Variants in FUT8 observed in about 807,000 individuals in gnomAD.
FUT8 encodes the protein fucosyltransferase 8, also known as alpha-(1,6)-fucosyltransferase.
FUT8 carries 29 observed loss-of-function variants against 71.3 expected under a neutral mutation model. The observed-to-expected ratio is 0.41, with a 90% CI of 0.30 to 0.55. The LOEUF (loss-of-function observed/expected upper bound fraction) is 0.55, where lower values mean the gene tolerates loss of function less well. Ranked by LOEUF, FUT8 falls within the 20% of genes least tolerant of loss-of-function variation. FUT8 has a pLI of 0.34. For synonymous variants in FUT8, 254 were observed against 239.3 expected, an observed-to-expected ratio of 1.06 and a Z score of -0.57; for missense variants, 544 against 702.1, an observed-to-expected ratio of 0.77 and a Z score of 2.55.
Position 65,599,014 on chromosome 14 carries a change from C to A in FUT8, c.204-16964C>A, listed in dbSNP as rs535142459. Among the ~76,000 whole-genome samples the A allele has an allele frequency of 2.8e-3, 431 of 152,284 alleles. 2 individuals carry two copies. The highest frequency in any genetic ancestry group is 9.9e-3 in the African/African-American group (410 of 41,560). Reference sequence around the variant, plus strand: ...CCACGTCAGCCAGGATGGTCTCGATCTCCTGACCTCGTGATCTGCCCACCT... The same window carrying A: ...CCACGTCAGCCAGGATGGTCTCGATATCCTGACCTCGTGATCTGCCCACCT... On this transcript the variant is annotated intron_variant, in intron 3 of 10. Transcript: ENST00000673929.
intron 7 of FUT8, among the ~76,000 whole-genome samples, chr14:65,708,325 C>T (rs928163029): frequency 2.6e-5 from 4 of 152,264 alleles, no homozygotes; most frequent in South Asian, 2.1e-4. Flanking sequence ...GGTTTCCTGA[C>T]GCCTCCCCAG....
intron 2 of FUT8, among the ~76,000 whole-genome samples, chr14:65,499,817 CAA>C (rs201429546): frequency 5.9e-4 from 70 of 119,380 alleles, no homozygotes; most frequent in East Asian, 5.2e-4. Flanking sequence ...GACCCTGTCT[CAA>C]AAAAAAAAAA....
At chr14:65,487,564 C>CAAAA (rs745645710) in intron 2 of FUT8, among the ~76,000 whole-genome samples, 5 of 64,452 alleles carry the variant, frequency 7.8e-5, no homozygotes, top group South Asian at 5.4e-4. Context: ...GACTCCGTCT[C>CAAAA]AAAAAAAAAA....
chr14:65,424,243 C>T (rs1215991419), intron 1 of FUT8, among the ~76,000 whole-genome samples: 1 of 152,208 alleles, frequency 6.6e-6, no homozygotes, highest in Non-Finnish European at 1.5e-5. Context: ...CTCTTGAGCT[C>T]ACCTCATTAA....
chr14:65,552,412 G>A (rs145989655), intron 2 of FUT8, among the ~76,000 whole-genome samples: 48 of 152,308 alleles, frequency 3.2e-4, no homozygotes, highest in Non-Finnish European at 6.8e-4. Context: ...GAACATATGA[G>A]TGAATGGATC....
the FUT8 span, among the ~76,000 whole-genome samples, chr14:65,376,332 A>G: frequency 6.6e-6 from 1 of 152,182 alleles, no homozygotes; most frequent in Non-Finnish European, 1.5e-5. Flanking sequence ...TGATTTTAGT[A>G]TCAGCCAAAC....
At chr14:65,419,772 G>C (rs1303055527) in intron 1 of FUT8, among the ~76,000 whole-genome samples, 1 of 152,126 alleles carries the variant, frequency 6.6e-6, no homozygotes, top group African/African-American at 2.4e-5. Flanking sequence ...GGTTGTAACT[G>C]AAATTCTTGA....
the FUT8 span, among the ~76,000 whole-genome samples, chr14:65,356,984 C>T: frequency 6.6e-6 from 1 of 152,176 alleles, no homozygotes; most frequent in Admixed American, 6.5e-5. This position sits in a 1 kb window ranked among gnomAD's most constrained non-coding sequence, Gnocchi z 4.6. Flanking sequence ...ACAAAGTTCT[C>T]CCCAGGAGAG....
At chr14:65,686,318 C>CT (rs1463270194) in intron 7 of FUT8, among the ~76,000 whole-genome samples, 1 of 152,194 alleles carries the variant, frequency 6.6e-6, no homozygotes, top group African/African-American at 2.4e-5. Context: ...TTATCATCCT[C>CT]TAACACAAAG....
At chr14:65,701,137 G>C (rs1458184057) in intron 7 of FUT8, among the ~76,000 whole-genome samples, 1 of 152,092 alleles carries the variant, frequency 6.6e-6, no homozygotes, top group East Asian at 1.9e-4. Context: ...TTGTATTCAT[G>C]TTGTGATTCA....
intron 10 of FUT8, 115 bp downstream of exon 10, chr14:65,733,496 A>G: frequency 1.5e-6 from 1 of 674,594 alleles, no homozygotes; most frequent in South Asian, 3.1e-5. Context: ...CTCAGGTGCA[A>G]TTTTTCTGAT....
chr14:65,728,956 T>A (rs1466434869), intron 9 of FUT8, among the ~76,000 whole-genome samples: 4 of 152,112 alleles, frequency 2.6e-5, no homozygotes, highest in African/African-American at 9.7e-5. Flanking sequence ...GATCGAATTC[T>A]ATATAATTTA....
intron 7 of FUT8, among the ~76,000 whole-genome samples, chr14:65,683,423 T>C (rs1370908537): frequency 6.6e-6 from 1 of 152,220 alleles, no homozygotes; most frequent in East Asian, 1.9e-4. Context: ...GTTGTCAAGT[T>C]AAGATAGAAT....
intron 5 of FUT8, among the ~76,000 whole-genome samples, chr14:65,621,251 T>A (rs1011192134): frequency 1.3e-5 from 2 of 152,132 alleles, no homozygotes; most frequent in Admixed American, 1.3e-4. Context: ...TCCTGTTTTT[T>A]TTTTTGTTTT....
At chr14:65,422,020 C>T (rs773091033) in intron 1 of FUT8, among the ~76,000 whole-genome samples, 6 of 152,022 alleles carry the variant, frequency 3.9e-5, no homozygotes, top group East Asian at 1.9e-4. Context: ...CAGTGATCCT[C>T]GTGACCCCCT....
intron 3 of FUT8, among the ~76,000 whole-genome samples, chr14:65,591,855 T>G (rs1887705866): frequency 6.6e-6 from 1 of 151,274 alleles, no homozygotes; most frequent in Non-Finnish European, 1.5e-5. Flanking sequence ...TTTTTTTTTT[T>G]GGTGTATGTC....
intron 10 of FUT8, among the ~76,000 whole-genome samples, chr14:65,740,026 T>C (rs1268465784): frequency 1.3e-5 from 2 of 152,062 alleles, no homozygotes; most frequent in Admixed American, 6.6e-5. Context: ...GCTTTAATTA[T>C]TTAGTTTCTT....
At chr14:65,466,595 C>G (rs2066047701) in intron 2 of FUT8, among the ~76,000 whole-genome samples, 1 of 152,060 alleles carries the variant, frequency 6.6e-6, no homozygotes, top group Non-Finnish European at 1.5e-5. Context: ...ACTAAAAATA[C>G]AAAAGTTAGC....
At chr14:65,524,912 C>A (rs548075059) in intron 2 of FUT8, among the ~76,000 whole-genome samples, 172 of 152,276 alleles carry the variant, frequency 1.1e-3, no homozygotes, top group African/African-American at 3.8e-3. Context: ...CCTTGCATCC[C>A]AGGGATGAAG....
Sources: gnomAD v4.1 joint callset for allele counts (sites outside exome capture counted in the v4.1 genomes callset) on GRCh38, gnomAD v4.1.1 for gene constraint, Gnocchi (gnomAD v3.1) non-coding constraint, MANE v1.5 for transcripts, NCBI Gene and HGNC (gene_info 2026-07-23, HGNC 2026-07-21) for gene names.